The following PTPN14 variants were observed in gnomAD, a reference collection of about 807,000 sequenced individuals.
PTPN14 encodes tyrosine-protein phosphatase non-receptor type 14.
A neutral mutation model predicts 126.8 loss-of-function variants in PTPN14; 53 were observed. The observed-to-expected ratio is 0.42, with a 90% CI of 0.34 to 0.53. PTPN14 has a LOEUF of 0.53. Among genes scored for constraint, PTPN14 ranks in the 20% least tolerant of loss-of-function variants. The probability of loss-of-function intolerance (pLI) is 0.08; values close to 1 mark genes in which losing one functional copy is unlikely to be tolerated. For synonymous variants in PTPN14, 630 were observed against 599.3 expected, an observed-to-expected ratio of 1.05 and a Z score of -0.75; for missense variants, 1,257 against 1,552.9, an observed-to-expected ratio of 0.81 and a Z score of 3.20.
At chr1:214,513,628 G>T (rs765323130) in intron 1 of PTPN14, among the ~76,000 whole-genome samples, 2 of 152,058 alleles carry the variant, frequency 1.3e-5, no homozygotes, top group Non-Finnish European at 2.9e-5. Flanking sequence ...TAGGCATTTG[G>T]ATTTTTAACC....
intron 14 of PTPN14, among the ~76,000 whole-genome samples, chr1:214,377,231 G>A (rs1658362782): frequency 6.6e-6 from 1 of 152,216 alleles, no homozygotes; most frequent in African/African-American, 2.4e-5. Flanking sequence ...GGGAGACATG[G>A]ATGGAGCTGG....
intron 16 of PTPN14, among the ~76,000 whole-genome samples, chr1:214,369,949 G>A (rs1658176753): frequency 6.6e-6 from 1 of 152,228 alleles, no homozygotes; most frequent in African/African-American, 2.4e-5. Flanking sequence ...AGAAGTGCAA[G>A]TGCAGTCTAG....
At chr1:214,370,999 T>G (rs1658205662) in intron 16 of PTPN14, among the ~76,000 whole-genome samples, 1 of 152,240 alleles carries the variant, frequency 6.6e-6, no homozygotes, top group South Asian at 2.1e-4. Flanking sequence ...AAGCATACCT[T>G]CCTCTTTTAT....
intron 2 of PTPN14, among the ~76,000 whole-genome samples, chr1:214,453,958 C>T (rs1044576710): frequency 2.0e-5 from 3 of 152,120 alleles, no homozygotes; most frequent in Admixed American, 2.0e-4. Context: ...CTTAAGCTAA[C>T]CTTAACATGA....
chr1:214,454,110 T>C (rs1246106924), intron 2 of PTPN14, among the ~76,000 whole-genome samples: 3 of 152,250 alleles, frequency 2.0e-5, no homozygotes, highest in African/African-American at 7.2e-5. Context: ...AGTCTCCATA[T>C]AATAAATTAT....
chr1:214,494,468 T>C (rs912491984), intron 1 of PTPN14, among the ~76,000 whole-genome samples: 7 of 152,214 alleles, frequency 4.6e-5, no homozygotes, highest in African/African-American at 1.4e-4. Context: ...ATTCCTGCCA[T>C]ATAAGAATAC....
intron 16 of PTPN14, among the ~76,000 whole-genome samples, chr1:214,370,935 A>G (rs1658203950): frequency 6.6e-6 from 1 of 152,186 alleles, no homozygotes; most frequent in Non-Finnish European, 1.5e-5. Context: ...TTTGCGGAAT[A>G]TGTAAATTAC....
intron 13 of PTPN14, among the ~76,000 whole-genome samples, chr1:214,382,807 T>C (rs1472728627): frequency 6.6e-6 from 1 of 152,272 alleles, no homozygotes; most frequent in African/African-American, 2.4e-5. Context: ...ATTACTATAA[T>C]TTTCTTGAAT....
At chr1:214,499,366 A>G (rs962404805) in intron 1 of PTPN14, among the ~76,000 whole-genome samples, 9 of 136,790 alleles carry the variant, frequency 6.6e-5, no homozygotes, top group Admixed American at 5.6e-4. Context: ...GAGTGTGTGG[A>G]AAAAGAGGGT....
intron 1 of PTPN14, among the ~76,000 whole-genome samples, chr1:214,505,064 T>C (rs1654801121): frequency 6.6e-6 from 1 of 151,902 alleles, no homozygotes; most frequent in Non-Finnish European, 1.5e-5. Flanking sequence ...GTGGCCAGTC[T>C]CATGGAAAGA....
At chr1:214,459,125 G>C (rs4253891) in intron 2 of PTPN14, among the ~76,000 whole-genome samples, 137,855 of 150,104 alleles carry the variant, frequency 0.92, 63,423 homozygotes, top group African/African-American at 0.97. Flanking sequence ...TCTGTTCCTC[G>C]CCTCCAATCC....
At chr1:214,515,742 A>C (rs1186211265) in intron 1 of PTPN14, among the ~76,000 whole-genome samples, 1 of 152,136 alleles carries the variant, frequency 6.6e-6, no homozygotes, top group South Asian at 2.1e-4. Flanking sequence ...ATTTCGTCTT[A>C]GCATTCTCTA....
chr1:214,525,396 C>T (rs756489007), intron 1 of PTPN14, among the ~76,000 whole-genome samples: 5 of 152,152 alleles, frequency 3.3e-5, no homozygotes, highest in Non-Finnish European at 5.9e-5. Context: ...AAGTATACTG[C>T]ATACGTTATA....
intron 3 of PTPN14, among the ~76,000 whole-genome samples, chr1:214,441,150 C>T (rs1010872712): frequency 3.3e-5 from 5 of 152,194 alleles, no homozygotes; most frequent in Non-Finnish European, 7.4e-5. Flanking sequence ...GAAAAAACTT[C>T]TGTTATTTAA....
intron 3 of PTPN14, among the ~76,000 whole-genome samples, chr1:214,447,289 C>T (rs940153992): frequency 6.6e-6 from 1 of 152,102 alleles, no homozygotes; most frequent in African/African-American, 2.4e-5. Context: ...CTGCTAAAAC[C>T]TCCCAAGAAG....
At chr1:214,440,064 T>G (rs1660004837) in intron 3 of PTPN14, among the ~76,000 whole-genome samples, 1 of 152,174 alleles carries the variant, frequency 6.6e-6, no homozygotes. Flanking sequence ...AAAGACTTTT[T>G]GAACGTTTAA....
At chr1:214,498,975 AT>A (rs1404590049) in intron 1 of PTPN14, among the ~76,000 whole-genome samples, 1 of 151,892 alleles carries the variant, frequency 6.6e-6, no homozygotes, top group Non-Finnish European at 1.5e-5. Context: ...CCCTTGGCTA[AT>A]TTTTTTATTT....
chr1:214,526,862 C>G (rs192145898), intron 1 of PTPN14, among the ~76,000 whole-genome samples: 1 of 152,102 alleles, frequency 6.6e-6, no homozygotes, highest in Non-Finnish European at 1.5e-5. Flanking sequence ...GAGGCCAACG[C>G]GGGGGGATCA....
intron 1 of PTPN14, among the ~76,000 whole-genome samples, chr1:214,550,616 C>A (rs1656084793): frequency 6.6e-6 from 1 of 152,198 alleles, no homozygotes; most frequent in South Asian, 2.1e-4. Context: ...TTGGCCACAG[C>A]TTTTTTTCTA....
Sources: gnomAD v4.1 joint callset for allele counts (sites outside exome capture counted in the v4.1 genomes callset) on GRCh38, gnomAD v4.1.1 for gene constraint, MANE v1.5 for transcripts, NCBI Gene and HGNC (gene_info 2026-07-23, HGNC 2026-07-21) for gene names.